The following SGCZ variants were observed in gnomAD, a reference collection of about 807,000 sequenced individuals.
SGCZ encodes zeta-sarcoglycan.
Under a neutral mutation model 41.3 loss-of-function variants are expected in SGCZ, and 40 were observed. The observed-to-expected ratio is 0.97, with a 90% CI of 0.75 to 1.26. SGCZ has a LOEUF of 1.26. Ranked by LOEUF, SGCZ falls within the 50% of genes most tolerant of loss-of-function variation. The pLI, the probability that SGCZ is intolerant of heterozygous loss-of-function variation, is 0.00. For missense variants in SGCZ, 552 were observed against 369.8 expected, an observed-to-expected ratio of 1.49 and a Z score of -4.04; for synonymous variants, 206 against 137.5, an observed-to-expected ratio of 1.50 and a Z score of -3.49.
At chr8:14,321,022 A>G (rs1345601931) in intron 3 of SGCZ, among the ~76,000 whole-genome samples, 1 of 152,096 alleles carries the variant, frequency 6.6e-6, no homozygotes, top group African/African-American at 2.4e-5. Context: ...TAGGTGTCCT[A>G]AATTCCCGAT....
At chr8:14,616,229 G>T (rs1305353693) in intron 1 of SGCZ, among the ~76,000 whole-genome samples, 1 of 151,428 alleles carries the variant, frequency 6.6e-6, no homozygotes, top group South Asian at 2.1e-4. Flanking sequence ...CTTGCAGTGA[G>T]TGGAGATCGC....
At chr8:14,747,049 C>G (rs965195242) in intron 1 of SGCZ, among the ~76,000 whole-genome samples, 11 of 152,124 alleles carry the variant, frequency 7.2e-5, no homozygotes, top group Non-Finnish European at 1.5e-4. Flanking sequence ...CTCATTTTCA[C>G]TTTTGATGTG....
intron 2 of SGCZ, among the ~76,000 whole-genome samples, chr8:14,426,911 A>T (rs1799798272): frequency 6.6e-6 from 1 of 152,152 alleles, no homozygotes; most frequent in Admixed American, 6.5e-5. Context: ...CTAAGAACTC[A>T]TTTCAAAATT....
chr8:14,285,837 C>T (rs934207839), intron 3 of SGCZ, among the ~76,000 whole-genome samples: 3 of 152,060 alleles, frequency 2.0e-5, no homozygotes, highest in African/African-American at 7.2e-5. Flanking sequence ...ATACTGCAAC[C>T]TTCAGGGGTT....
At chr8:14,480,025 G>A (rs1039384626) in intron 2 of SGCZ, among the ~76,000 whole-genome samples, 32 of 152,178 alleles carry the variant, frequency 2.1e-4, no homozygotes, top group Non-Finnish European at 4.0e-4. Context: ...GATTACGGGC[G>A]TGAGCCACGC....
intron 1 of SGCZ, among the ~76,000 whole-genome samples, chr8:15,202,635 C>G (rs1034116741): frequency 1.3e-5 from 2 of 151,450 alleles, no homozygotes; most frequent in African/African-American, 4.9e-5. Flanking sequence ...ACCTGTTCCC[C>G]AAAAACCTAT....
chr8:14,693,374 C>G (rs1389020926), intron 1 of SGCZ, among the ~76,000 whole-genome samples: 1 of 151,634 alleles, frequency 6.6e-6, no homozygotes, highest in Non-Finnish European at 1.5e-5. Flanking sequence ...TCACTGCAAC[C>G]TCTGTCTCCT....
chr8:14,130,045 A>G (rs1238855050), intron 5 of SGCZ, among the ~76,000 whole-genome samples: 1 of 152,204 alleles, frequency 6.6e-6, no homozygotes, highest in African/African-American at 2.4e-5. Context: ...AGGAAAACGA[A>G]GTCAAATAAC....
chr8:14,556,727 G>C (rs1307338445), intron 1 of SGCZ, among the ~76,000 whole-genome samples: 3 of 152,110 alleles, frequency 2.0e-5, no homozygotes, highest in Admixed American at 1.3e-4. Flanking sequence ...ACTTCACTTA[G>C]AATAATAGTC....
chr8:14,179,965 G>T (rs1236733925), intron 4 of SGCZ, among the ~76,000 whole-genome samples: 1 of 152,142 alleles, frequency 6.6e-6, no homozygotes, highest in African/African-American at 2.4e-5. Flanking sequence ...AAGCACTAGG[G>T]GCCTCTCTGC....
At chr8:14,387,959 C>T (rs1804634521) in intron 2 of SGCZ, among the ~76,000 whole-genome samples, 1 of 151,934 alleles carries the variant, frequency 6.6e-6, no homozygotes, top group Non-Finnish European at 1.5e-5. Context: ...AAGTGGCTTA[C>T]CAAATGTAGA....
chr8:14,867,733 G>A (rs754050363), intron 1 of SGCZ, among the ~76,000 whole-genome samples: 6 of 151,960 alleles, frequency 3.9e-5, no homozygotes, highest in Non-Finnish European at 5.9e-5. Context: ...CACATGGACC[G>A]AGGGGAACAA....
intron 1 of SGCZ, among the ~76,000 whole-genome samples, chr8:14,779,829 T>G (rs936924424): frequency 6.6e-6 from 1 of 152,172 alleles, no homozygotes; most frequent in Non-Finnish European, 1.5e-5. Flanking sequence ...GCCATGTTTA[T>G]AGGTGATCAT....
intron 1 of SGCZ, among the ~76,000 whole-genome samples, chr8:14,776,639 G>A (rs984701389): frequency 1.1e-4 from 16 of 149,828 alleles, no homozygotes; most frequent in East Asian, 2.0e-4. Flanking sequence ...GACTACAGGC[G>A]CCTACCACCA....
intron 2 of SGCZ, among the ~76,000 whole-genome samples, chr8:14,391,758 A>T (rs1246756563): frequency 6.6e-6 from 1 of 152,178 alleles, no homozygotes; most frequent in Non-Finnish European, 1.5e-5. Context: ...GTAATTTATA[A>T]AGAAAAGCAA....
At chr8:14,543,022 A>G (rs1384814000) in intron 2 of SGCZ, among the ~76,000 whole-genome samples, 1 of 151,958 alleles carries the variant, frequency 6.6e-6, no homozygotes, top group Non-Finnish European at 1.5e-5. Flanking sequence ...ACAAAAACTG[A>G]GCTATTACAC....
intron 1 of SGCZ, among the ~76,000 whole-genome samples, chr8:14,749,330 G>A (rs1463605888): frequency 6.6e-6 from 1 of 152,150 alleles, no homozygotes; most frequent in Non-Finnish European, 1.5e-5. Context: ...TGCTCAACAT[G>A]ATGAAGTCAT....
chr8:14,233,950 C>A (rs1190853959), intron 4 of SGCZ, among the ~76,000 whole-genome samples: 1 of 151,992 alleles, frequency 6.6e-6, no homozygotes, highest in East Asian at 1.9e-4. Context: ...AATCTCATTC[C>A]TCTCTTTCAG....
chr8:15,115,628 G>A (rs1214006655), intron 1 of SGCZ, among the ~76,000 whole-genome samples: 3 of 152,146 alleles, frequency 2.0e-5, no homozygotes, highest in Non-Finnish European at 4.4e-5. Flanking sequence ...TACATGCAAC[G>A]GTTATCACTA....
Sources: allele counts gnomAD v4.1 joint callset (sites outside exome capture counted in the v4.1 genomes callset), GRCh38; gene constraint gnomAD v4.1.1; transcripts MANE v1.5; gene names NCBI Gene and HGNC (gene_info 2026-07-23, HGNC 2026-07-21).